Variants in CMC1 observed in about 807,000 individuals in gnomAD.
CMC1 encodes C-X9-C motif containing 1.
A neutral mutation model predicts 14.1 loss-of-function variants in CMC1; 14 were observed. The ratio of observed to expected loss-of-function variants is 0.99; its 90% confidence interval spans 0.66 to 1.55. The LOEUF (loss-of-function observed/expected upper bound fraction) is 1.55. Among genes scored for constraint, CMC1 ranks in the 40% most tolerant of loss-of-function variants. The pLI, the probability that CMC1 is intolerant of heterozygous loss-of-function variation, is 0.00. For missense variants in CMC1, 127 were observed against 123.8 expected, an observed-to-expected ratio of 1.03 and a Z score of -0.12; for synonymous variants, 50 against 38.4, an observed-to-expected ratio of 1.30 and a Z score of -1.12.
intron 2 of CMC1, among the ~76,000 whole-genome samples, chr3:28,288,160 A>G (rs1701288630): frequency 6.6e-6 from 1 of 152,064 alleles, no homozygotes; most frequent in Admixed American, 6.5e-5. Context: ...AAAATACGTT[A>G]ATACTGGTAG....
intron 2 of CMC1, among the ~76,000 whole-genome samples, chr3:28,283,236 A>G (rs780107885): frequency 1.3e-5 from 2 of 152,122 alleles, no homozygotes; most frequent in Non-Finnish European, 2.9e-5. Flanking sequence ...GTTCTTGGCC[A>G]GGTGTGGTGG....
At chr3:28,305,014 C>T (rs1165467273) in intron 2 of CMC1, among the ~76,000 whole-genome samples, 3 of 151,972 alleles carry the variant, frequency 2.0e-5, no homozygotes, top group African/African-American at 7.2e-5. Context: ...GTGGTTTGGG[C>T]GTCTATTGAA....
intron 1 of CMC1, among the ~76,000 whole-genome samples, chr3:28,260,692 C>G (rs1699691515): frequency 6.6e-6 from 1 of 151,774 alleles, no homozygotes; most frequent in Admixed American, 6.6e-5. Context: ...TAAGTTAATA[C>G]AAGACCTTTT....
In CMC1 at chr3:28,309,871, C is replaced by T. The variant is rs540976248; in HGVS notation, c.110-6462C>T. Among the ~76,000 whole-genome samples the T allele has an allele frequency of 4.0e-3, 412 of 103,530 alleles. 1 individual carries two copies. The highest frequency in any genetic ancestry group is 6.4e-3 in the Middle Eastern group (1 of 156). The allele number at this position is 103,530 out of a possible 152,430, so 67.9% of individuals were successfully genotyped here. A position where few individuals can be genotyped will look rare whatever the true frequency, so the allele number is the denominator to read the frequency against. On this transcript the variant is annotated intron_variant, in intron 2 of 3. Coordinates refer to ENST00000466830, the MANE Select transcript of CMC1 (RefSeq NM_182523.2). Reference sequence around the variant, plus strand: ...CACACACACACACACAAGCTAATTGCAAATATACATTTTAACATTGCCTGC... The same window carrying T: ...CACACACACACACACAAGCTAATTGTAAATATACATTTTAACATTGCCTGC...
At chr3:28,315,622 A>G (rs187261134) in intron 2 of CMC1, among the ~76,000 whole-genome samples, 6 of 152,286 alleles carry the variant, frequency 3.9e-5, no homozygotes, top group Non-Finnish European at 5.9e-5. Context: ...AACTCTTTGT[A>G]TTTCTCCTAG....
intron 2 of CMC1, among the ~76,000 whole-genome samples, chr3:28,273,147 G>A (rs1700384525): frequency 6.6e-6 from 1 of 152,158 alleles, no homozygotes; most frequent in Non-Finnish European, 1.5e-5. Flanking sequence ...AAAACCGCCT[G>A]ATTCTGGGCT....
intron 1 of CMC1, among the ~76,000 whole-genome samples, chr3:28,260,331 A>G (rs1699669822): frequency 6.6e-6 from 1 of 152,028 alleles, no homozygotes; most frequent in Non-Finnish European, 1.5e-5. Context: ...GTATCAAGGT[A>G]TCTGTGCCTT....
rs564036296 is a variant in CMC1 at position 28,320,859 on chromosome 3, A to G, written c.*1230A>G. ...ATGAGCTGTTAACTCTTCCACAGCC[A>G]TTGTAACTAGTTTCAAGATAAGTAA... On this transcript the variant is annotated 3_prime_UTR_variant, in exon 4 of 4. Coordinates refer to ENST00000466830, the MANE Select transcript of CMC1 (RefSeq NM_182523.2). The G allele has an allele frequency of 6.6e-6, 1 of 151,540 alleles. No individual in the cohort carries two copies. The highest frequency in any genetic ancestry group is 1.9e-4 in the East Asian group (1 of 5,148). 9.4% of individuals were successfully genotyped at this position (151,540 alleles called of 1,614,324 possible).
chr3:28,271,364 G>T (rs894328209), intron 2 of CMC1, among the ~76,000 whole-genome samples: 2 of 152,026 alleles, frequency 1.3e-5, no homozygotes, highest in African/African-American at 4.8e-5. Flanking sequence ...CCTCCCAATT[G>T]AGTTAATTTT....
chr3:28,269,210 C>G (rs1700150674), intron 2 of CMC1, among the ~76,000 whole-genome samples: 2 of 152,156 alleles, frequency 1.3e-5, no homozygotes, highest in African/African-American at 4.8e-5. Flanking sequence ...ATCCCCCATG[C>G]ATAACAGGGG....
intron 1 of CMC1, among the ~76,000 whole-genome samples, chr3:28,251,935 C>T (rs1355927554): frequency 6.6e-6 from 1 of 152,244 alleles, no homozygotes; most frequent in South Asian, 2.1e-4. Flanking sequence ...GATTTTCTGC[C>T]GGATATCAGT....
chr3:28,292,538 T>G (rs1701526750), intron 2 of CMC1, among the ~76,000 whole-genome samples: 1 of 152,118 alleles, frequency 6.6e-6, no homozygotes, highest in Admixed American at 6.5e-5. Context: ...GTCACCTGGG[T>G]TTTTACTTCA....
At chr3:28,318,766 C>T (rs922558064) in intron 3 of CMC1, 3 of 153,260 alleles carry the variant, frequency 2.0e-5, no homozygotes, top group Non-Finnish European at 4.4e-5. Context: ...ATCATTTTTG[C>T]CTGGATTATT....
At chr3:28,285,614 A>G (rs1296076804) in intron 2 of CMC1, among the ~76,000 whole-genome samples, 1 of 151,850 alleles carries the variant, frequency 6.6e-6, no homozygotes, top group Admixed American at 6.6e-5. Flanking sequence ...AAAAGCCCAG[A>G]CTTCCTCCCT....
Position 28,260,642 on chromosome 3 carries a change from G to A in CMC1, c.20-2649G>A, listed in dbSNP as rs148479027. On this transcript the variant is annotated intron_variant, in intron 1 of 3. Coordinates refer to ENST00000466830, the MANE Select transcript of CMC1 (RefSeq NM_182523.2). Reference sequence around the variant, plus strand: ...TCTTTTCCTCTTTTGCTTGCTTTGTGTTTATTTTACCCTTTTTCTGGTTTC... The same window carrying A: ...TCTTTTCCTCTTTTGCTTGCTTTGTATTTATTTTACCCTTTTTCTGGTTTC... Among the ~76,000 whole-genome samples, 925 of 149,612 alleles carry A rather than the reference G, an allele frequency of 6.2e-3. 6 individuals carry two copies. Among genetic ancestry groups the A allele is most frequent in the African/African-American group, 0.022 (886 of 40,674 alleles).
At chr3:28,294,382 G>A (rs1701638042) in intron 2 of CMC1, 2 of 373,666 alleles carry the variant, frequency 5.4e-6, no homozygotes, top group Non-Finnish European at 7.4e-6. Context: ...AAATTTGGGG[G>A]TAGTATTTCC....
At chr3:28,309,821 CCACACACACA>C (rs57499697) in intron 2 of CMC1, among the ~76,000 whole-genome samples, 38 of 131,836 alleles carry the variant, frequency 2.9e-4, no homozygotes, top group African/African-American at 4.5e-4. Context: ...CTGATATTTA[CCACACACACA>C]CACACACACA....
At chr3:28,251,420 C>T (rs1022253477) in intron 1 of CMC1, among the ~76,000 whole-genome samples, 1 of 152,176 alleles carries the variant, frequency 6.6e-6, no homozygotes, top group Non-Finnish European at 1.5e-5. Flanking sequence ...CATCTGCCCT[C>T]GTGTCCCAAA....
intron 2 of CMC1, among the ~76,000 whole-genome samples, chr3:28,313,184 G>A (rs2125605671): frequency 6.6e-6 from 1 of 152,180 alleles, no homozygotes; most frequent in Middle Eastern, 3.4e-3. Flanking sequence ...AATAGTATAT[G>A]ATATTACGTG....
Sources: gnomAD v4.1 joint callset for allele counts (sites outside exome capture counted in the v4.1 genomes callset) on GRCh38, gnomAD v4.1.1 for gene constraint, MANE v1.5 for transcripts, NCBI Gene and HGNC (gene_info 2026-07-23, HGNC 2026-07-21) for gene names.